The following CNTNAP5 variants were observed in gnomAD, a reference collection of about 807,000 sequenced individuals.
CNTNAP5 encodes contactin-associated protein-like 5.
Under a neutral mutation model 150.2 loss-of-function variants are expected in CNTNAP5, and 72 were observed. The observed-to-expected ratio is 0.48, with a 90% CI of 0.40 to 0.58. The LOEUF (loss-of-function observed/expected upper bound fraction) is 0.58, where lower values mean the gene tolerates loss of function less well. Ranked by LOEUF, CNTNAP5 falls within the 20% of genes least tolerant of loss-of-function variation. The pLI is 0.00. For synonymous variants in CNTNAP5, 672 were observed against 619.8 expected (o/e 1.08, Z -1.25); for missense variants, 1,636 against 1,626.2 (o/e 1.01, Z -0.10).
intron 1 of CNTNAP5, among the ~76,000 whole-genome samples, chr2:124,190,767 C>T (rs1685440297): frequency 6.6e-6 from 1 of 152,116 alleles, no homozygotes; most frequent in Non-Finnish European, 1.5e-5. Flanking sequence ...AAACAATATA[C>T]AAGTATTACA....
At chr2:124,510,329 A>ATCTATATATC (rs1694543977) in intron 8 of CNTNAP5, among the ~76,000 whole-genome samples, 1 of 100,396 alleles carries the variant, frequency 1.0e-5, no homozygotes, top group Non-Finnish European at 2.0e-5. Flanking sequence ...ATCTATCTAT[A>ATCTATATATC]TATATATCTC....
chr2:124,518,917 A>C (rs1408081434), intron 8 of CNTNAP5, among the ~76,000 whole-genome samples: 1 of 140,038 alleles, frequency 7.1e-6, no homozygotes, highest in Non-Finnish European at 1.5e-5. Flanking sequence ...TGAACCCAGG[A>C]GGCGGAGGTT....
intron 4 of CNTNAP5, among the ~76,000 whole-genome samples, chr2:124,426,181 C>G (rs1573987522): frequency 6.6e-6 from 1 of 151,936 alleles, no homozygotes; most frequent in East Asian, 1.9e-4. Context: ...TTCATGTTTT[C>G]TTCTTGAAAC....
At chr2:124,818,560 C>T (rs1682418060) in intron 19 of CNTNAP5, among the ~76,000 whole-genome samples, 1 of 152,090 alleles carries the variant, frequency 6.6e-6, no homozygotes, top group Admixed American at 6.5e-5. Context: ...CAATTTAGTA[C>T]CTCTTGATTA....
intron 7 of CNTNAP5, among the ~76,000 whole-genome samples, chr2:124,482,748 C>T (rs1003378775): frequency 1.3e-5 from 2 of 152,164 alleles, no homozygotes; most frequent in South Asian, 2.1e-4. Context: ...TGGCTCCCAG[C>T]GGCTCCTGTC....
At chr2:124,471,806 C>A (rs1693522308) in intron 6 of CNTNAP5, among the ~76,000 whole-genome samples, 2 of 152,080 alleles carry the variant, frequency 1.3e-5, no homozygotes, top group South Asian at 4.1e-4. Flanking sequence ...GCCTTTCCTG[C>A]ATCTACTGAG....
In CNTNAP5 at chr2:124,420,776, C is replaced by T. The variant is rs944099653; in HGVS notation, c.529+3186C>T. 2.6e-5 allele frequency among the ~76,000 whole-genome samples: 4 copies of T among 152,110 alleles called. No individual in the cohort carries two copies. The East Asian group carries it at 7.7e-4, about 29-fold the overall frequency. ...TTCCAGCTTCCCCTTCTTGATGGCC[C>T]GCCCTATGTACTTCAGGCACGTTTA... On this transcript the variant is annotated intron_variant, in intron 4 of 23. Coordinates refer to ENST00000682447, the MANE Select transcript of CNTNAP5 (RefSeq NM_001367498.1).
At chr2:124,512,860 T>G (rs1457241523) in intron 8 of CNTNAP5, among the ~76,000 whole-genome samples, 2 of 152,188 alleles carry the variant, frequency 1.3e-5, no homozygotes, top group African/African-American at 4.8e-5. Context: ...ACAGCCATAA[T>G]GAATGTTTTT....
chr2:124,152,105 G>A (rs1224232706), intron 1 of CNTNAP5, among the ~76,000 whole-genome samples: 1 of 152,164 alleles, frequency 6.6e-6, no homozygotes, highest in African/African-American at 2.4e-5. Flanking sequence ...AAAAGAAAGT[G>A]CAGTCTGAGA....
In CNTNAP5 at chr2:124,048,198, A is replaced by G. The variant is rs116568055; in HGVS notation, c.82+22466A>G. On this transcript the variant is annotated intron_variant, in intron 1 of 23. Transcript: ENST00000682447. ...GCTACCCATCTATGTTGTTCTGTTT[A>G]AACTGGCAGCATGGTGTCATGGGGG... Among the ~76,000 whole-genome samples, 943 of 152,308 alleles carry G rather than the reference A, an allele frequency of 6.2e-3. 12 individuals carry two copies. Among genetic ancestry groups the G allele is most frequent in the African/African-American group, 0.021 (867 of 41,578 alleles).
At chr2:124,714,748 G>A (rs1040458816) in intron 13 of CNTNAP5, among the ~76,000 whole-genome samples, 1 of 151,312 alleles carries the variant, frequency 6.6e-6, no homozygotes, top group African/African-American at 2.4e-5. Flanking sequence ...TTTATATGGA[G>A]CTACCTACAT....
chr2:124,232,562 T>C (rs1224591410), intron 2 of CNTNAP5, among the ~76,000 whole-genome samples: 2 of 152,154 alleles, frequency 1.3e-5, no homozygotes, highest in Non-Finnish European at 2.9e-5. Context: ...CTTTAGTTCA[T>C]CTTTCTCCAG....
chr2:124,720,983 T>C (rs1680037069), intron 13 of CNTNAP5, among the ~76,000 whole-genome samples: 1 of 152,214 alleles, frequency 6.6e-6, no homozygotes, highest in Non-Finnish European at 1.5e-5. Flanking sequence ...CCATGCTCTT[T>C]GGCACATTCC....
intron 3 of CNTNAP5, among the ~76,000 whole-genome samples, chr2:124,337,185 T>C (rs1306287260): frequency 6.6e-6 from 1 of 152,224 alleles, no homozygotes; most frequent in African/African-American, 2.4e-5. Flanking sequence ...GAGAAGTGTC[T>C]GTTCATATCC....
chr2:124,062,518 T>G (rs777666045), intron 1 of CNTNAP5, among the ~76,000 whole-genome samples: 5 of 152,226 alleles, frequency 3.3e-5, no homozygotes, highest in African/African-American at 4.8e-5. Context: ...TATGTTACTC[T>G]CTGTTAAACC....
At chr2:124,904,129 T>C (rs1222697254) in intron 22 of CNTNAP5, among the ~76,000 whole-genome samples, 1 of 146,372 alleles carries the variant, frequency 6.8e-6, no homozygotes, top group African/African-American at 2.5e-5. Flanking sequence ...AACCAACAAC[T>C]CTCCATTTCC....
chr2:124,548,142 T>C (rs541871705), intron 10 of CNTNAP5, among the ~76,000 whole-genome samples: 1 of 152,142 alleles, frequency 6.6e-6, no homozygotes, highest in Non-Finnish European at 1.5e-5. Flanking sequence ...GAAGGAAGGA[T>C]TTAGTGTTTT....
intron 3 of CNTNAP5, among the ~76,000 whole-genome samples, chr2:124,254,127 T>C (rs542922171): frequency 6.6e-6 from 1 of 152,262 alleles, no homozygotes; most frequent in African/African-American, 2.4e-5. Flanking sequence ...TGAGGCAATC[T>C]ACATAGACTC....
intron 3 of CNTNAP5, among the ~76,000 whole-genome samples, chr2:124,252,330 G>C (rs1454276608): frequency 1.3e-5 from 2 of 152,136 alleles, no homozygotes; most frequent in Admixed American, 6.5e-5. Context: ...CCGTTCCTAA[G>C]TCCCCTTGCA....
Sources: allele counts gnomAD v4.1 joint callset (sites outside exome capture counted in the v4.1 genomes callset), GRCh38; gene constraint gnomAD v4.1.1; transcripts MANE v1.5; gene names NCBI Gene and HGNC (gene_info 2026-07-23, HGNC 2026-07-21).